The following SCHIP1 variants were observed in gnomAD, a reference collection of about 807,000 sequenced individuals.
SCHIP1 encodes the protein schwannomin interacting protein 1, also known as schwannomin-interacting protein 1.
SCHIP1 carries 8 observed loss-of-function variants against 29.7 expected under a neutral mutation model. The observed-to-expected ratio is 0.27, with a 90% CI of 0.16 to 0.49. SCHIP1 has a LOEUF of 0.49. SCHIP1 is among the 20% of genes least tolerant of loss of function. The pLI, the probability that SCHIP1 is intolerant of heterozygous loss-of-function variation, is 0.99. For missense variants in SCHIP1, 193 were observed against 294.6 expected, an observed-to-expected ratio of 0.66 and a Z score of 2.52; for synonymous variants, 76 against 94.9, an observed-to-expected ratio of 0.80 and a Z score of 1.16.
chr3:159,532,643 A>C, the SCHIP1 span, among the ~76,000 whole-genome samples: 1 of 152,238 alleles, frequency 6.6e-6, no homozygotes, highest in Non-Finnish European at 1.5e-5. Context: ...TACACCAGAA[A>C]AATAATACTC....
chr3:159,799,889 A>G, the SCHIP1 span, among the ~76,000 whole-genome samples: 1 of 152,194 alleles, frequency 6.6e-6, no homozygotes. Flanking sequence ...TTTGGATTCT[A>G]GAAAGATAAC....
chr3:159,485,397 A>G, the SCHIP1 span, among the ~76,000 whole-genome samples: 1 of 152,070 alleles, frequency 6.6e-6, no homozygotes, highest in South Asian at 2.1e-4. Flanking sequence ...GCAAATGTCG[A>G]TGGGGAAAAA....
At chr3:159,793,147 T>C in the SCHIP1 span, among the ~76,000 whole-genome samples, 19 of 152,194 alleles carry the variant, frequency 1.2e-4, no homozygotes, top group Non-Finnish European at 2.6e-4. Flanking sequence ...TGAGTGCGTT[T>C]AACATGTTCA....
the SCHIP1 span, among the ~76,000 whole-genome samples, chr3:159,716,661 A>G: frequency 2.0e-5 from 3 of 152,212 alleles, no homozygotes; most frequent in African/African-American, 7.2e-5. Flanking sequence ...CATAATGGTA[A>G]AGGGATCAAT....
chr3:159,864,248 C>T (rs973479078), intron 1 of SCHIP1, among the ~76,000 whole-genome samples: 32 of 152,194 alleles, frequency 2.1e-4, no homozygotes, highest in Admixed American at 1.2e-3. Context: ...CTTGCATATT[C>T]GGAAAGGTGG....
chr3:159,565,940 CTA>C, the SCHIP1 span, among the ~76,000 whole-genome samples: 1 of 152,188 alleles, frequency 6.6e-6, no homozygotes, highest in South Asian at 2.1e-4. Flanking sequence ...ATCACTTACT[CTA>C]TATATGTCAG....
chr3:159,704,417 T>TAAAAAAAAAAAAAAAAAAAAAAAAAAAA, the SCHIP1 span, among the ~76,000 whole-genome samples: 1 of 92,620 alleles, frequency 1.1e-5, no homozygotes, highest in African/African-American at 4.1e-5. Flanking sequence ...CAATTTTTTC[T>TAAAAAAAAAAAAAAAAAAAAAAAAAAAA]AAAAAAAAAA....
the SCHIP1 span, among the ~76,000 whole-genome samples, chr3:159,798,343 T>C: frequency 9.9e-5 from 15 of 152,246 alleles, no homozygotes; most frequent in Admixed American, 9.8e-4. Context: ...TTAATACTAC[T>C]TAATTTCACA....
At chr3:159,517,158 T>A in the SCHIP1 span, among the ~76,000 whole-genome samples, 1 of 152,100 alleles carries the variant, frequency 6.6e-6, no homozygotes, top group African/African-American at 2.4e-5. Flanking sequence ...CAGCACACTG[T>A]GGCAAATTTT....
upstream of SCHIP1, among the ~76,000 whole-genome samples, chr3:159,838,972 A>AATAAGTTT (rs1279468284): frequency 6.6e-6 from 1 of 151,982 alleles, no homozygotes; most frequent in East Asian, 1.9e-4. Context: ...GAGGAATATA[A>AATAAGTTT]ATAAGAAAAT....
chr3:159,274,511 A>G, the SCHIP1 span: 2 of 735,138 alleles, frequency 2.7e-6, no homozygotes, highest in Non-Finnish European at 3.3e-6. Context: ...ATTATTGAAA[A>G]TAATTAGTTT....
At chr3:159,531,054 A>T in the SCHIP1 span, among the ~76,000 whole-genome samples, 1 of 152,210 alleles carries the variant, frequency 6.6e-6, no homozygotes, top group African/African-American at 2.4e-5. Flanking sequence ...TTGTGGACAT[A>T]TGGCACTTGC....
At chr3:159,757,972 T>C in the SCHIP1 span, among the ~76,000 whole-genome samples, 1 of 152,246 alleles carries the variant, frequency 6.6e-6, no homozygotes, top group Non-Finnish European at 1.5e-5. Context: ...GCATGCGGTT[T>C]TGGAGACATT....
chr3:159,502,305 G>A, the SCHIP1 span, among the ~76,000 whole-genome samples: 1 of 152,160 alleles, frequency 6.6e-6, no homozygotes, highest in East Asian at 1.9e-4. Context: ...CATGTGTTGG[G>A]GACCTGAGAG....
chr3:159,825,561 C>T, the SCHIP1 span, among the ~76,000 whole-genome samples: 1 of 152,322 alleles, frequency 6.6e-6, no homozygotes, highest in South Asian at 2.1e-4. Context: ...TGGTCACAGG[C>T]ACACTCCTGC....
the SCHIP1 span, among the ~76,000 whole-genome samples, chr3:159,583,008 T>C: frequency 2.0e-5 from 3 of 152,208 alleles, no homozygotes; most frequent in African/African-American, 4.8e-5. Flanking sequence ...TTTGTTGATC[T>C]GTAAATAGTT....
chr3:159,276,209 G>A, the SCHIP1 span, among the ~76,000 whole-genome samples: 2 of 152,284 alleles, frequency 1.3e-5, no homozygotes, highest in Non-Finnish European at 1.5e-5. Context: ...ACATATTCCT[G>A]TAGAAGCAAC....
the SCHIP1 span, among the ~76,000 whole-genome samples, chr3:159,522,846 C>T: frequency 1.3e-5 from 2 of 152,238 alleles, no homozygotes; most frequent in African/African-American, 2.4e-5. Flanking sequence ...TCCAGCCCGG[C>T]GACAGAGCGA....
the SCHIP1 span, among the ~76,000 whole-genome samples, chr3:159,434,283 C>A: frequency 1.3e-5 from 2 of 152,074 alleles, no homozygotes; most frequent in South Asian, 4.1e-4. Context: ...AATCCTGGGT[C>A]CCTCTGGGAC....
Sources: gnomAD v4.1 joint callset for allele counts (sites outside exome capture counted in the v4.1 genomes callset) on GRCh38, gnomAD v4.1.1 for gene constraint, MANE v1.5 for transcripts, NCBI Gene and HGNC (gene_info 2026-07-23, HGNC 2026-07-21) for gene names.